The following NMNAT3 variants were observed in gnomAD, a reference collection of about 807,000 sequenced individuals.
The protein encoded by NMNAT3 is nicotinamide/nicotinic acid mononucleotide adenylyltransferase 3.
A neutral mutation model predicts 24.8 loss-of-function variants in NMNAT3; 21 were observed. The observed-to-expected ratio is 0.85, with a 90% confidence interval of 0.60 to 1.22. The LOEUF (loss-of-function observed/expected upper bound fraction) is 1.22. NMNAT3 is among the 50% of genes most tolerant of loss of function. The probability of loss-of-function intolerance (pLI) is 0.00; values close to 1 mark genes in which losing one functional copy is unlikely to be tolerated. For synonymous variants in NMNAT3, 136 were observed against 155.2 expected (o/e 0.88, Z 0.92); for missense variants, 387 against 436.6 (o/e 0.89, Z 1.01).
chr3:139,635,771 C>A (rs1192167552), intron 2 of NMNAT3: 1 of 152,242 alleles, frequency 6.6e-6, no homozygotes, highest in African/African-American at 2.4e-5. Flanking sequence ...CTCCCATCCT[C>A]TTTAGTCACA....
intron 3 of NMNAT3, among the ~76,000 whole-genome samples, chr3:139,594,353 A>T (rs2054342644): frequency 6.6e-6 from 1 of 152,210 alleles, no homozygotes; most frequent in African/African-American, 2.4e-5. Context: ...CCAGGACCTG[A>T]TGGATTCACA....
intron 5 of NMNAT3, among the ~76,000 whole-genome samples, chr3:139,575,271 C>G (rs1477111517): frequency 6.6e-6 from 1 of 152,098 alleles, no homozygotes; most frequent in Non-Finnish European, 1.5e-5. Context: ...CTTCTTAGAG[C>G]CTGGCTGGAC....
At chr3:139,659,353 T>C (rs1024602911) in intron 1 of NMNAT3, among the ~76,000 whole-genome samples, 1 of 152,172 alleles carries the variant, frequency 6.6e-6, no homozygotes, top group African/African-American at 2.4e-5. Flanking sequence ...TTATCACCTT[T>C]GTGATAGAAG....
intron 1 of NMNAT3, among the ~76,000 whole-genome samples, chr3:139,646,377 C>T (rs1326470689): frequency 6.6e-6 from 1 of 152,124 alleles, no homozygotes; most frequent in Non-Finnish European, 1.5e-5. Context: ...AAACTTTAGC[C>T]ATTCACATTC....
intron 6 of NMNAT3, chr3:139,572,054 A>C (rs1938460074): frequency 2.5e-6 from 1 of 398,718 alleles, no homozygotes; most frequent in East Asian, 3.6e-5. Flanking sequence ...TGCAAGTCTC[A>C]GTGCAGGTGC....
chr3:139,594,841 C>G (rs2054371023), intron 3 of NMNAT3, among the ~76,000 whole-genome samples: 1 of 152,082 alleles, frequency 6.6e-6, no homozygotes, highest in East Asian at 1.9e-4. Context: ...TATGACAAAC[C>G]CACAGCCGAT....
chr3:139,639,985 A>G (rs2056643634), intron 1 of NMNAT3, among the ~76,000 whole-genome samples: 2 of 152,206 alleles, frequency 1.3e-5, no homozygotes, highest in Non-Finnish European at 2.9e-5. Flanking sequence ...AGAAACTCAG[A>G]TAAAAGTGAC....
intron 6 of NMNAT3, 78 bp from the exon 7 acceptor site, chr3:139,561,470 C>G: frequency 7.3e-7 from 1 of 1,366,542 alleles, no homozygotes; most frequent in Non-Finnish European, 9.7e-7. Flanking sequence ...GAAAGTCTCA[C>G]AAAATGCTTT....
chr3:139,575,748 A>G, intron 5 of NMNAT3: 1 of 1,113,818 alleles, frequency 9.0e-7, no homozygotes, highest in Non-Finnish European at 1.1e-6. Context: ...CCTGAGTGGT[A>G]CCTTGGGCCT....
rs1936234338 is a variant in NMNAT3 at position 139,560,346 on chromosome 3, G to A, written c.*664C>T. On this transcript the variant is annotated 3_prime_UTR_variant, in exon 7 of 7. Coordinates refer to ENST00000643695, the MANE Select transcript of NMNAT3 (RefSeq NM_001320510.2). Reference sequence around the variant, plus strand: ...GGAAATCAGGAGCCCCGGCTTTTATGCTATAGCAAGTTTGACACTTGCTGT... The same window carrying A: ...GGAAATCAGGAGCCCCGGCTTTTATACTATAGCAAGTTTGACACTTGCTGT... 6.6e-6 allele frequency: 1 copy of A among 152,628 alleles called. No homozygotes were observed. Among genetic ancestry groups the A allele is most frequent in the Non-Finnish European group, 1.5e-5 (1 of 68,038 alleles). The allele number at this position is 152,628 out of a possible 1,614,324, so 9.5% of individuals were successfully genotyped here.
At chr3:139,603,271 T>C (rs1376716670) in intron 3 of NMNAT3, among the ~76,000 whole-genome samples, 1 of 152,246 alleles carries the variant, frequency 6.6e-6, no homozygotes, top group Non-Finnish European at 1.5e-5. Context: ...ATCCCTCTGC[T>C]GGATGAGTGT....
At chr3:139,644,922 G>A (rs547148165) in intron 1 of NMNAT3, among the ~76,000 whole-genome samples, 5 of 152,256 alleles carry the variant, frequency 3.3e-5, no homozygotes, top group South Asian at 2.1e-4. Flanking sequence ...TACAGCTCGC[G>A]GCCGGGAGTG....
At chr3:139,592,201 G>T (rs1309648428) in intron 3 of NMNAT3, among the ~76,000 whole-genome samples, 1 of 152,186 alleles carries the variant, frequency 6.6e-6, no homozygotes, top group Non-Finnish European at 1.5e-5. Flanking sequence ...ATGCGATCAA[G>T]TGGAAGAAAG....
intron 1 of NMNAT3, among the ~76,000 whole-genome samples, chr3:139,654,574 TTA>T (rs1236580968): frequency 8.5e-5 from 13 of 152,220 alleles, no homozygotes; most frequent in East Asian, 1.9e-4. Context: ...GGCAAAACTA[TTA>T]TGTTTCTAGG....
intron 3 of NMNAT3, among the ~76,000 whole-genome samples, chr3:139,612,042 C>T (rs1045494949): frequency 4.9e-4 from 75 of 152,184 alleles, no homozygotes; most frequent in Non-Finnish European, 9.7e-4. Flanking sequence ...TGGCGCATGC[C>T]TGTAATCCCA....
chr3:139,662,565 C>T (rs2057450149), intron 1 of NMNAT3, among the ~76,000 whole-genome samples: 1 of 152,154 alleles, frequency 6.6e-6, no homozygotes, highest in African/African-American at 2.4e-5. Flanking sequence ...CAAAGAGAGG[C>T]CCACATCCTA....
chr3:139,671,348 T>C (rs1188281839), intron 1 of NMNAT3, among the ~76,000 whole-genome samples: 1 of 152,252 alleles, frequency 6.6e-6, no homozygotes, highest in East Asian at 1.9e-4. Context: ...CCTGTCGTTC[T>C]GTAATTTGTT....
chr3:139,567,148 G>C (rs1181054755), intron 6 of NMNAT3: 1 of 152,094 alleles, frequency 6.6e-6, no homozygotes, highest in Non-Finnish European at 1.5e-5. Flanking sequence ...GTTCACTCAC[G>C]ATTTGGCTGT....
In NMNAT3 at chr3:139,617,502, G is replaced by A. The variant is rs567791239; in HGVS notation, c.109+10114C>T. Reference sequence around the variant, plus strand: ...ATAGGGAGAATAGCAGTACCCACCTGGTAGGGCTGTTATGAAAATTAAATG... The same window carrying A: ...ATAGGGAGAATAGCAGTACCCACCTAGTAGGGCTGTTATGAAAATTAAATG... On this transcript the variant is annotated intron_variant, in intron 3 of 6. Coordinates refer to ENST00000643695, the MANE Select transcript of NMNAT3 (RefSeq NM_001320510.2). Among the ~76,000 whole-genome samples the A allele has an allele frequency of 7.2e-5, 11 of 152,250 alleles. No individual in the cohort carries two copies. The South Asian group carries it at 2.3e-3, about 32-fold the overall frequency.
Sources: allele counts gnomAD v4.1 joint callset (sites outside exome capture counted in the v4.1 genomes callset), GRCh38; gene constraint gnomAD v4.1.1; transcripts MANE v1.5; gene names NCBI Gene and HGNC (gene_info 2026-07-23, HGNC 2026-07-21).